Variants in ALKBH3 observed in about 807,000 individuals in gnomAD.
ALKBH3 encodes the protein alkB homolog 3, alpha-ketoglutarate dependent dioxygenase, also known as alpha-ketoglutarate-dependent dioxygenase alkB homolog 3.
A neutral mutation model predicts 43.9 loss-of-function variants in ALKBH3; 51 were observed. The observed-to-expected ratio is 1.16, with a 90% CI of 0.93 to 1.47. The LOEUF (loss-of-function observed/expected upper bound fraction) is 1.47. Ranked by LOEUF, ALKBH3 falls within the 40% of genes most tolerant of loss-of-function variation. The probability of loss-of-function intolerance (pLI) is 0.00; values close to 1 mark genes in which losing one functional copy is unlikely to be tolerated. For missense variants in ALKBH3, 361 were observed against 351.9 expected, an observed-to-expected ratio of 1.03 and a Z score of -0.21; for synonymous variants, 102 against 115.2, an observed-to-expected ratio of 0.89 and a Z score of 0.73.
chr11:43,893,822 T>G (rs1407151443), intron 7 of ALKBH3, among the ~76,000 whole-genome samples: 1 of 152,202 alleles, frequency 6.6e-6, no homozygotes, highest in African/African-American at 2.4e-5. Flanking sequence ...GGTGATATAT[T>G]TAGTTCATTT....
intron 6 of ALKBH3, among the ~76,000 whole-genome samples, chr11:43,891,836 TGG>T (rs1565123969): frequency 6.6e-6 from 1 of 152,084 alleles, no homozygotes; most frequent in Non-Finnish European, 1.5e-5. Flanking sequence ...TTTGCCCATG[TGG>T]TGTCTGCCAA....
chr11:43,901,783 A>G lies in ALKBH3; in HGVS notation c.669+58A>G, dbSNP rs903732176. The G allele has an allele frequency of 5.7e-6, 9 of 1,577,976 alleles. No individual in the cohort carries two copies. The African/African-American group carries it at 1.2e-4, about 21-fold the overall frequency. On this transcript the variant is annotated intron_variant, in intron 8 of 9. Transcript: ENST00000302708. ...CCTCTTATTAGTCTGTGGAAAAAGT[A>G]GAACTCCTAAAAGCTTCTACTTTCA...
At chr11:43,908,332 G>A (rs974768546) in intron 8 of ALKBH3, among the ~76,000 whole-genome samples, 10 of 152,102 alleles carry the variant, frequency 6.6e-5, no homozygotes, top group African/African-American at 2.2e-4. Context: ...AAAGAGTTCC[G>A]GGGGATTGTG....
chr11:43,914,816 C>T (rs1314103129), intron 8 of ALKBH3, among the ~76,000 whole-genome samples: 1 of 151,936 alleles, frequency 6.6e-6, no homozygotes, highest in Non-Finnish European at 1.5e-5. Flanking sequence ...AATAAGAAAA[C>T]AGTGTTAACA....
chr11:43,882,940 T>C, intron 2 of ALKBH3, 145 bp from the exon 3 acceptor site: 1 of 818,830 alleles, frequency 1.2e-6, no homozygotes, highest in Non-Finnish European at 1.9e-6. Context: ...CCCTCAAACC[T>C]TTCAGTATCT....
intron 8 of ALKBH3, among the ~76,000 whole-genome samples, chr11:43,905,060 G>A (rs1005951075): frequency 2.6e-5 from 4 of 152,130 alleles, no homozygotes; most frequent in East Asian, 1.9e-4. Context: ...CATCTCAGGC[G>A]GACATGGAAG....
At chr11:43,898,558 C>T (rs1161626950) in intron 7 of ALKBH3, 25 of 769,642 alleles carry the variant, frequency 3.2e-5, no homozygotes, top group East Asian at 2.6e-4. Context: ...AGAGCTAAGG[C>T]GATGTGAAGA....
At chr11:43,903,058 A>AT (rs1951873849) in intron 8 of ALKBH3, among the ~76,000 whole-genome samples, 2 of 152,282 alleles carry the variant, frequency 1.3e-5, no homozygotes, top group Non-Finnish European at 2.9e-5. Flanking sequence ...ATATTGTGTG[A>AT]TTTTGCATAT....
At chr11:43,899,872 G>GAAAAAAA (rs10636253) in intron 7 of ALKBH3, among the ~76,000 whole-genome samples, 2 of 121,946 alleles carry the variant, frequency 1.6e-5, no homozygotes, top group Non-Finnish European at 3.4e-5. Context: ...GTGGTCTCAG[G>GAAAAAAA]AAAAAAAAAA....
intron 7 of ALKBH3, chr11:43,898,620 C>G: frequency 1.4e-6 from 1 of 738,546 alleles, no homozygotes; most frequent in South Asian, 1.4e-5. Flanking sequence ...GCCTGGCGGA[C>G]TTGGAAGGGG....
intron 8 of ALKBH3, among the ~76,000 whole-genome samples, chr11:43,917,897 C>T (rs1254543164): frequency 1.3e-5 from 2 of 152,202 alleles, no homozygotes; most frequent in Admixed American, 6.5e-5. Context: ...AAGTTACTGC[C>T]AAAAGTTGGG....
At chr11:43,903,591 C>T (rs926532798) in intron 8 of ALKBH3, among the ~76,000 whole-genome samples, 1 of 152,122 alleles carries the variant, frequency 6.6e-6, no homozygotes, top group African/African-American at 2.4e-5. Context: ...CTAGAGTTAT[C>T]CTTCTGGCCT....
chr11:43,913,427 C>G (rs1951957356), intron 8 of ALKBH3, among the ~76,000 whole-genome samples: 1 of 152,038 alleles, frequency 6.6e-6, no homozygotes, highest in Non-Finnish European at 1.5e-5. Context: ...TGATAATGGC[C>G]TCTAAGATTT....
rs766691745 is a variant in ALKBH3, at chr11:43,901,715, A to C, written c.659A>C (p.Lys220Thr). The C allele has an allele frequency of 1.2e-6, 2 of 1,614,218 alleles. No homozygotes were observed. Among genetic ancestry groups the C allele is most frequent in the South Asian group, 2.2e-5 (2 of 91,086 alleles). ...GATRTFEMRK[K>T]PPPEENGDYT... The stretch of plus-strand genomic sequence containing the variant: ...ACACGCACATTTGAGATGAGAAAGA[A>C]GCCACCACCAGTGAGTATTCTCTTT... The change falls in exon 8 of 10, where the codon AAG (lysine) becomes ACG (threonine). Residue 220 changes from lysine (K) to threonine (T), a missense_variant. Coordinates refer to ENST00000302708, the MANE Select transcript of ALKBH3 (RefSeq NM_139178.4).
At chr11:43,887,454 T>C (rs1310857747) in intron 5 of ALKBH3, among the ~76,000 whole-genome samples, 7 of 151,588 alleles carry the variant, frequency 4.6e-5, no homozygotes, top group East Asian at 2.0e-4. Flanking sequence ...ATTACAGGCA[T>C]GTGCCACCAA....
intron 1 of ALKBH3, among the ~76,000 whole-genome samples, chr11:43,881,924 A>G (rs1041703221): frequency 6.6e-6 from 1 of 152,230 alleles, no homozygotes; most frequent in Non-Finnish European, 1.5e-5. Context: ...CTGTCAAATT[A>G]GTATTATTAG....
intron 9 of ALKBH3, 116 bp from the exon 10 acceptor site, chr11:43,919,801 AT>A (rs1276079595): frequency 1.0e-6 from 1 of 988,764 alleles, no homozygotes; most frequent in African/African-American, 1.6e-5. Flanking sequence ...CTTACTACTC[AT>A]TTAAGGGGGA....
At chr11:43,912,452 A>G (rs1590380642) in intron 8 of ALKBH3, 1 of 152,356 alleles carries the variant, frequency 6.6e-6, no homozygotes, top group East Asian at 1.9e-4. Context: ...GAAATTAATA[A>G]TAGTTACTGT....
chr11:43,895,037 C>T (rs1951808975), intron 7 of ALKBH3, among the ~76,000 whole-genome samples: 1 of 152,098 alleles, frequency 6.6e-6, no homozygotes, highest in South Asian at 2.1e-4. Flanking sequence ...AATGTAGTAT[C>T]CACAACAAGG....
Sources: gnomAD v4.1 joint callset for allele counts (sites outside exome capture counted in the v4.1 genomes callset) on GRCh38, gnomAD v4.1.1 for gene constraint, MANE v1.5 for transcripts, NCBI Gene and HGNC (gene_info 2026-07-23, HGNC 2026-07-21) for gene names.